UBE2N: variants seen among roughly 807,000 people sequenced by gnomAD.
UBE2N encodes ubiquitin-conjugating enzyme E2 N.
For synonymous variants in UBE2N, 70 were observed against 69.2 expected, an observed-to-expected ratio of 1.01 and a Z score of -0.06; for missense variants, 60 against 192.1, an observed-to-expected ratio of 0.31 and a Z score of 4.07.
intron 1 of UBE2N, among the ~76,000 whole-genome samples, chr12:93,433,656 A>T (rs1268376904): frequency 6.6e-6 from 1 of 152,240 alleles, no homozygotes; most frequent in East Asian, 1.9e-4. Flanking sequence ...GCAGCACTGT[A>T]TAAGATACGA....
chr12:93,432,794 A>T (rs1878810187), intron 1 of UBE2N, among the ~76,000 whole-genome samples: 1 of 152,350 alleles, frequency 6.6e-6, no homozygotes, highest in Middle Eastern at 3.4e-3. Flanking sequence ...TCAACCTTAG[A>T]TTCTGAAACC....
chr12:93,432,938 T>TTTTTA (rs1225798646), intron 1 of UBE2N, among the ~76,000 whole-genome samples: 1 of 148,826 alleles, frequency 6.7e-6, no homozygotes, highest in Admixed American at 6.7e-5. Context: ...TTCAGGTTTT[T>TTTTTA]TTTTTTTTTT....
intron 1 of UBE2N, among the ~76,000 whole-genome samples, chr12:93,438,469 G>A (rs548984378): frequency 5.9e-5 from 9 of 152,220 alleles, no homozygotes; most frequent in African/African-American, 2.2e-4. Flanking sequence ...ATTGTTCAGG[G>A]TACAGCAAAG....
intron 1 of UBE2N, among the ~76,000 whole-genome samples, chr12:93,437,662 G>A (rs1387587188): frequency 1.3e-5 from 2 of 152,112 alleles, no homozygotes; most frequent in African/African-American, 2.4e-5. Context: ...GGTGGCACAT[G>A]CCTGCAGTCT....
chr12:93,438,753 G>A (rs957843668), intron 1 of UBE2N, among the ~76,000 whole-genome samples: 1 of 152,044 alleles, frequency 6.6e-6, no homozygotes, highest in African/African-American at 2.4e-5. Context: ...AAGACAGGGG[G>A]GAAAGTGTCT....
At chr12:93,431,504 T>C (rs1878772841) in intron 1 of UBE2N, among the ~76,000 whole-genome samples, 1 of 152,130 alleles carries the variant, frequency 6.6e-6, no homozygotes, top group Non-Finnish European at 1.5e-5. Flanking sequence ...GATACTAATA[T>C]CCACACATCA....
intron 1 of UBE2N, among the ~76,000 whole-genome samples, chr12:93,422,951 G>A (rs771957245): frequency 2.6e-5 from 4 of 152,240 alleles, no homozygotes; most frequent in East Asian, 1.9e-4. Flanking sequence ...AAACTTACCC[G>A]TGGTCACACA....
At chr12:93,419,598 A>G (rs1462627679) in intron 1 of UBE2N, among the ~76,000 whole-genome samples, 1 of 152,216 alleles carries the variant, frequency 6.6e-6, no homozygotes, top group Non-Finnish European at 1.5e-5. Flanking sequence ...TTTAATTTTT[A>G]CAGTACACAC....
chr12:93,416,570 G>C (rs939012818), intron 1 of UBE2N, among the ~76,000 whole-genome samples: 2 of 151,400 alleles, frequency 1.3e-5, no homozygotes, highest in Non-Finnish European at 2.9e-5. Flanking sequence ...GCTAATTTTT[G>C]TATTTTTAGC....
rs201934620 is a variant in UBE2N at position 93,414,093 on chromosome 12, G to A, written c.31-2794C>T. Among the ~76,000 whole-genome samples, 71 of 151,968 alleles carry A rather than the reference G, an allele frequency of 4.7e-4. No homozygotes were observed. The East Asian group carries it at 0.011, about 23-fold the overall frequency. On this transcript the variant is annotated intron_variant, in intron 1 of 3. Transcript: ENST00000318066. ...GGAGAATCATTTGAAGCCAGGAGGCGGAGGTTGCAGTGAGCTGAGATCGTG... is the reference window on the plus strand; with the variant it reads ...GGAGAATCATTTGAAGCCAGGAGGCAGAGGTTGCAGTGAGCTGAGATCGTG...
chr12:93,441,118 G>C (rs1201534942), intron 1 of UBE2N: 3 of 152,618 alleles, frequency 2.0e-5, no homozygotes, highest in African/African-American at 7.2e-5. Context: ...TATTTCCTCG[G>C]AACAGCTCTG....
intron 1 of UBE2N, among the ~76,000 whole-genome samples, chr12:93,433,552 A>C (rs184939881): frequency 3.3e-5 from 5 of 152,336 alleles, no homozygotes; most frequent in South Asian, 2.1e-4. Context: ...ACAACAGTCC[A>C]ACTCGTTTTT....
intron 1 of UBE2N, 119 bp downstream of exon 1, chr12:93,441,736 G>A: frequency 7.2e-7 from 1 of 1,390,648 alleles, no homozygotes; most frequent in South Asian, 1.3e-5. Flanking sequence ...ACCCCTCTCC[G>A]CGCCGCCTCG....
intron 1 of UBE2N, among the ~76,000 whole-genome samples, chr12:93,432,360 C>T (rs1028050603): frequency 2.6e-5 from 4 of 151,820 alleles, no homozygotes; most frequent in South Asian, 2.1e-4. Flanking sequence ...TAAAGAGACA[C>T]GCAAATCACA....
intron 1 of UBE2N, 81 bp downstream of exon 1, chr12:93,441,774 A>C: frequency 6.5e-7 from 1 of 1,544,974 alleles, no homozygotes; most frequent in Non-Finnish European, 8.7e-7. Flanking sequence ...CGCGGGCCGA[A>C]GGAGGCGAGA....
intron 1 of UBE2N, among the ~76,000 whole-genome samples, chr12:93,439,885 TGA>T (rs573423330): frequency 0.045 from 129 of 2,858 alleles, no homozygotes; most frequent in African/African-American, 0.27. Context: ...TATCACAGTA[TGA>T]GTTACTGTCT....
chr12:93,410,973 T>C (rs1385042114), intron 2 of UBE2N, 80 bp downstream of exon 2: 1 of 1,613,748 alleles, frequency 6.2e-7, no homozygotes, highest in Non-Finnish European at 8.5e-7. Flanking sequence ...TTGTATAATG[T>C]TTACATTCTA....
chr12:93,438,138 A>G (rs763470324), intron 1 of UBE2N, among the ~76,000 whole-genome samples: 105 of 152,332 alleles, frequency 6.9e-4, no homozygotes, highest in Middle Eastern at 3.4e-3. Flanking sequence ...ATATTTCAGT[A>G]TCTACTATGT....
At chr12:93,438,261 C>T (rs1004357581) in intron 1 of UBE2N, among the ~76,000 whole-genome samples, 2 of 152,068 alleles carry the variant, frequency 1.3e-5, no homozygotes, top group South Asian at 4.2e-4. Flanking sequence ...AACATAACTT[C>T]GAACAGTAAT....
Sources: gnomAD v4.1 joint callset for allele counts (sites outside exome capture counted in the v4.1 genomes callset) on GRCh38, gnomAD v4.1.1 for gene constraint, MANE v1.5 for transcripts, NCBI Gene and HGNC (gene_info 2026-07-23, HGNC 2026-07-21) for gene names.